The following SNX19 variants were observed in gnomAD, a reference collection of about 807,000 sequenced individuals.
SNX19 encodes the protein sorting nexin 19, also known as sorting nexin-19.
SNX19 carries 60 observed loss-of-function variants against 85.2 expected under a neutral mutation model. That is an observed-to-expected ratio of 0.70 (90% confidence interval 0.57 to 0.87). The LOEUF (loss-of-function observed/expected upper bound fraction) is 0.87. Among genes scored for constraint, SNX19 ranks in the 40% least tolerant of loss-of-function variants. The pLI is 0.00. For missense variants in SNX19, 1,201 were observed against 1,217.8 expected (o/e 0.99, Z 0.21); for synonymous variants, 520 against 470.0 (o/e 1.11, Z -1.38).
At chr11:130,880,475 A>C (rs1346423479) in intron 9 of SNX19, 147 bp downstream of exon 9, 1 of 679,284 alleles carries the variant, frequency 1.5e-6, no homozygotes, top group African/African-American at 1.8e-5. Flanking sequence ...TTTTCCTATT[A>C]GCCTGGGAAA....
Position 130,915,459 on chromosome 11 carries a change from G to C in SNX19, c.481C>G (p.Leu161Val), listed in dbSNP as rs996411885. The C allele has an allele frequency of 3.1e-6, 5 of 1,614,008 alleles. No individual in the cohort carries two copies. Among genetic ancestry groups the C allele is most frequent in the Non-Finnish European group, 4.2e-6 (5 of 1,180,058 alleles). The change falls in exon 1 of 11, where the codon CTC becomes GTC. Residue 161 changes from leucine to valine, a missense_variant. This residue lies in a region of SNX19 where 791 missense variants were observed against 750.9 expected (regional missense o/e 1.05). Coordinates refer to ENST00000265909, the MANE Select transcript of SNX19 (RefSeq NM_014758.3). ...TAGCTCTGCAGGTGACAACCGCAGAGAGTCAGAACACTCTGGGCAACAGCA... is the reference window on the plus strand; with the variant it reads ...TAGCTCTGCAGGTGACAACCGCAGACAGTCAGAACACTCTGGGCAACAGCA... ...SHAVAQSVLT[L>V]CGCHLQSYIQ...
rs150698153 is a variant in SNX19, at chr11:130,897,593, C to T, written c.2573+5662G>A. Among the ~76,000 whole-genome samples, 24 of 152,230 alleles carry T rather than the reference C, an allele frequency of 1.6e-4. No individual in the cohort carries two copies. In the East Asian group the frequency reaches 4.1e-3, roughly 26 times the overall value. On this transcript the variant is annotated intron_variant, in intron 8 of 10. Transcript: ENST00000265909. ...TGCTCTGGGTGTCCAGGCAGGGCGC[C>T]GGTCCAGCTTCTCATTCCTTCACTT...
chr11:130,895,109 G>T, intron 8 of SNX19: 1 of 985,414 alleles, frequency 1.0e-6, no homozygotes, highest in Non-Finnish European at 1.2e-6. Flanking sequence ...GGGCAGGCTC[G>T]GTGGGGCTTC....
In SNX19 at chr11:130,914,821, C is replaced by T. The variant is rs1461889747; in HGVS notation, c.1119G>A (p.Leu373=). ...TGCCCAGTTCAGACAGCGGAGACTC[C>T]AGCTCTGAGTCTTCACATAAGAACA... The part of the protein sequence containing the change: ...GPLFLCEDSE[L]ESPLSELGKE... Residue 373 remains leucine, a synonymous_variant, in exon 1 of 11, where the codon CTG becomes CTA. Transcript: ENST00000265909. The T allele has an allele frequency of 1.2e-6, 2 of 1,614,216 alleles. No homozygotes were observed.
At chr11:130,880,954 G>C (rs1325024407) in intron 8 of SNX19, 148 bp from the exon 9 acceptor site, 1 of 561,176 alleles carries the variant, frequency 1.8e-6, no homozygotes, top group Admixed American at 3.2e-5. Context: ...GGCCTTTGGG[G>C]AGGTGATTAG....
At chr11:130,896,731 T>C (rs1944901131) in intron 8 of SNX19, among the ~76,000 whole-genome samples, 2 of 152,228 alleles carry the variant, frequency 1.3e-5, no homozygotes, top group African/African-American at 4.8e-5. Context: ...TCTCATAGAA[T>C]TGAACATTAA....
intron 9 of SNX19, among the ~76,000 whole-genome samples, chr11:130,880,084 T>C (rs925690614): frequency 1.3e-5 from 2 of 152,208 alleles, no homozygotes; most frequent in African/African-American, 4.8e-5. Context: ...GGCAACAAAC[T>C]GCCTTCCTGG....
rs1945985068 is a variant in SNX19 at position 130,910,133 on chromosome 11, A to G, written c.1919T>C (p.Leu640Pro). The change falls in exon 4 of 11, where the codon CTC becomes CCC. Residue 640 changes from leucine to proline, a missense_variant. Physicochemically the swap from Leu to Pro is moderately conservative, Grantham distance 98. This residue lies in a region of SNX19 where 125 missense variants were observed against 171.6 expected (regional missense o/e 0.73). Coordinates refer to ENST00000265909, the MANE Select transcript of SNX19 (RefSeq NM_014758.3). ...KSLLESFLKQ[L>P]CAIPEIANSE... ...GTTAGCGATCTCCGGAATGGCACAG[A>G]GTTGCTGCAAAAGTAAAACACACAC... 1 of 1,614,066 alleles carries G rather than the reference A, an allele frequency of 6.2e-7. No homozygotes were observed. The highest frequency in any genetic ancestry group is 8.5e-7 in the Non-Finnish European group (1 of 1,180,028).
At position 130,880,655 on chromosome 11, in the gene SNX19, G is replaced by A. The variant is rs537817356; in HGVS notation, c.2725C>T (p.Gln909Ter). The change falls in exon 9 of 11, where the codon CAG (glutamine) becomes TAG (stop). Residue 909 changes from glutamine to a stop codon, truncating the protein, a stop_gained. Transcript: ENST00000265909. LOFTEE classifies it high-confidence loss of function. ...ACTCCCATCAGGCTCTGCAAAGCCTGTTTCTCAGCAGCCAGTTTCTGCTCT... is the reference window on the plus strand; with the variant it reads ...ACTCCCATCAGGCTCTGCAAAGCCTATTTCTCAGCAGCCAGTTTCTGCTCT... ...TQEQKLAAEK[Q>*]ALQSLMGVLP... The A allele has an allele frequency of 2.1e-5, 34 of 1,607,372 alleles. 1 individual carries two copies. The East Asian group carries it at 7.2e-4, about 34-fold the overall frequency.
Position 130,869,044 on chromosome 11 carries a change from G to C in SNX19, c.*9378C>G, listed in dbSNP as rs981386235. ...TAGCTGAGGCTTACGAGTTAGAATA[G>C]ATAAGGTGAAAATTGTCTGCCATGG... On this transcript the variant is annotated 3_prime_UTR_variant, in exon 11 of 11. Transcript: ENST00000265909. 6.6e-6 allele frequency: 1 copy of C among 152,232 alleles called. No individual in the cohort carries two copies. Among genetic ancestry groups the C allele is most frequent in the Non-Finnish European group, 1.5e-5 (1 of 68,058 alleles). 9.4% of individuals were successfully genotyped at this position (152,232 alleles called of 1,614,324 possible). A position where few individuals can be genotyped will look rare whatever the true frequency, so the allele number is the denominator to read the frequency against.
chr11:130,870,445 G>T lies in SNX19; in HGVS notation c.*7977C>A, dbSNP rs2135247247. Reference sequence around the variant, plus strand: ...CCTCTGATGAAACATTTGAGTAATGGATTTCTTTACCTCACCTAAACAGAT... The same window carrying T: ...CCTCTGATGAAACATTTGAGTAATGTATTTCTTTACCTCACCTAAACAGAT... On this transcript the variant is annotated 3_prime_UTR_variant, in exon 11 of 11. Transcript: ENST00000265909. Among the ~76,000 whole-genome samples, 1 of 152,350 alleles carries T rather than the reference G, an allele frequency of 6.6e-6. No individual in the cohort carries two copies. The highest frequency in any genetic ancestry group is 1.9e-4 in the East Asian group (1 of 5,190).
At position 130,915,892 on chromosome 11, in the gene SNX19, C is replaced by T. The variant is rs1224565109; in HGVS notation, c.48G>A (p.Ser16=). The stretch of plus-strand genomic sequence containing the variant: ...TCAACAGGTTATTGAGGTGACAGCT[C>T]GATCCAGCTGGAGTTTCCTGGAACG... ...VPPFQETPAG[S]SCHLNNLLSS... is the part of the protein sequence containing the mutation. The change falls in exon 1 of 11, where the codon TCG becomes TCA. Residue 16 remains serine (S), a synonymous_variant. Coordinates refer to ENST00000265909, the MANE Select transcript of SNX19 (RefSeq NM_014758.3). 20 of 1,614,128 alleles carry T rather than the reference C, an allele frequency of 1.2e-5. No individual in the cohort carries two copies. The highest frequency in any genetic ancestry group is 1.7e-5 in the Non-Finnish European group (20 of 1,179,958).
At chr11:130,884,026 C>A (rs1943877180) in intron 8 of SNX19, among the ~76,000 whole-genome samples, 1 of 152,138 alleles carries the variant, frequency 6.6e-6, no homozygotes, top group Admixed American at 6.5e-5. Flanking sequence ...TTGCCTTGCC[C>A]AACACCTGGA....
At chr11:130,895,331 A>C (rs2135346356) in intron 8 of SNX19, among the ~76,000 whole-genome samples, 1 of 152,352 alleles carries the variant, frequency 6.6e-6, no homozygotes. Flanking sequence ...CTGGTCCCCC[A>C]GCACTGTTGA....
Position 130,877,077 on chromosome 11 carries a change from A to C in SNX19, c.*1345T>G, listed in dbSNP as rs1205348198. 1 of 152,262 alleles carries C rather than the reference A, an allele frequency of 6.6e-6. No individual in the cohort carries two copies. The highest frequency in any genetic ancestry group is 1.5e-5 in the Non-Finnish European group (1 of 68,054). 9.4% of individuals were successfully genotyped at this position (152,262 alleles called of 1,614,324 possible). On this transcript the variant is annotated 3_prime_UTR_variant, in exon 11 of 11. Coordinates refer to ENST00000265909, the MANE Select transcript of SNX19 (RefSeq NM_014758.3). ...TTTGACACCCCATTGCCTTCTCATC[A>C]GTCTAACTCCAAGACCTTCCTCCGA... is the stretch of plus-strand genomic sequence containing the variant.
At position 130,870,266 on chromosome 11, in the gene SNX19, G is replaced by A. The variant is rs965645617; in HGVS notation, c.*8156C>T. The A allele has an allele frequency of 6.6e-6, 1 of 152,222 alleles. No individual in the cohort carries two copies. The highest frequency in any genetic ancestry group is 1.5e-5 in the Non-Finnish European group (1 of 68,048). 9.4% of individuals were successfully genotyped at this position (152,222 alleles called of 1,614,324 possible). A position where few individuals can be genotyped will look rare whatever the true frequency, so the allele number is the denominator to read the frequency against. The stretch of plus-strand genomic sequence containing the variant: ...TTGCTAAAAGGAGGTGTATAACCCT[G>A]CTCTTCAGCAGAAAGACCGCAGGTA... On this transcript the variant is annotated 3_prime_UTR_variant, in exon 11 of 11. Coordinates refer to ENST00000265909, the MANE Select transcript of SNX19 (RefSeq NM_014758.3).
chr11:130,912,630 C>T (rs969002520), intron 1 of SNX19, among the ~76,000 whole-genome samples: 14 of 152,102 alleles, frequency 9.2e-5, no homozygotes, highest in African/African-American at 3.4e-4. Flanking sequence ...ACTACCTCCT[C>T]GTTGGTGGGA....
In SNX19 at chr11:130,876,398, T is replaced by C. The variant is rs986265040; in HGVS notation, c.*2024A>G. The C allele has an allele frequency of 3.9e-5, 6 of 152,580 alleles. No individual in the cohort carries two copies. Among genetic ancestry groups the C allele is most frequent in the African/African-American group, 7.2e-5 (3 of 41,460 alleles). The allele number at this position is 152,580 out of a possible 1,614,324, so 9.5% of individuals were successfully genotyped here. On this transcript the variant is annotated 3_prime_UTR_variant, in exon 11 of 11. Coordinates refer to ENST00000265909, the MANE Select transcript of SNX19 (RefSeq NM_014758.3). ...AGGATCTGAGGACAGCTTATCTTTT[T>C]GGGGTACGTGGAGTAGAGGTGGGGA...
chr11:130,902,675 G>C (rs967819250), intron 8 of SNX19, among the ~76,000 whole-genome samples: 1 of 152,182 alleles, frequency 6.6e-6, no homozygotes, highest in African/African-American at 2.4e-5. Flanking sequence ...CTCCACCTGT[G>C]TACAAATCTT....
Sources: allele counts gnomAD v4.1 joint callset (sites outside exome capture counted in the v4.1 genomes callset), GRCh38; gene constraint gnomAD v4.1.1; regional missense constraint gnomAD v4.1.1; transcripts MANE v1.5; gene names NCBI Gene and HGNC (gene_info 2026-07-23, HGNC 2026-07-21).